CARM1: variants seen among roughly 807,000 people sequenced by gnomAD.
CARM1 encodes coactivator associated arginine methyltransferase 1.
A neutral mutation model predicts 72.7 loss-of-function variants in CARM1; 14 were observed. The ratio of observed to expected loss-of-function variants is 0.19; its 90% CI spans 0.13 to 0.30. The LOEUF is 0.30. Among genes scored for constraint, CARM1 ranks in the 10% least tolerant of loss-of-function variants. CARM1 has a pLI of 1.00. For synonymous variants in CARM1, 333 were observed against 345.5 expected (o/e 0.96, Z 0.40); for missense variants, 432 against 833.7 (o/e 0.52, Z 5.93).
At chr19:10,878,895 C>T (rs1451459353) in intron 1 of CARM1, among the ~76,000 whole-genome samples, 3 of 151,856 alleles carry the variant, frequency 2.0e-5, no homozygotes, top group Non-Finnish European at 2.9e-5. Context: ...CATCCTCTGC[C>T]TCCCGGGTTC....
chr19:10,895,061 A>G (rs202223751), intron 1 of CARM1, among the ~76,000 whole-genome samples: 18 of 151,444 alleles, frequency 1.2e-4, no homozygotes, highest in Middle Eastern at 3.4e-3. Context: ...CTTATTCTCT[A>G]TCTGCCAAAG....
At chr19:10,898,599 G>A (rs974234027) in intron 1 of CARM1, among the ~76,000 whole-genome samples, 16 of 152,378 alleles carry the variant, frequency 1.1e-4, no homozygotes, top group African/African-American at 3.6e-4. Context: ...GGCCGCTTTG[G>A]GAGGTGGTTG....
At chr19:10,903,948 C>G (rs2145220024) in intron 1 of CARM1, among the ~76,000 whole-genome samples, 1 of 152,316 alleles carries the variant, frequency 6.6e-6, no homozygotes, top group East Asian at 1.9e-4. Context: ...AAGTGATCCT[C>G]CTGCCTTGGC....
At chr19:10,875,817 G>T (rs1462378790) in intron 1 of CARM1, among the ~76,000 whole-genome samples, 1 of 151,570 alleles carries the variant, frequency 6.6e-6, no homozygotes, top group South Asian at 2.1e-4. Context: ...TATCTGCAAA[G>T]ACCCTATTTC....
intron 1 of CARM1, among the ~76,000 whole-genome samples, chr19:10,890,502 G>A (rs1169515463): frequency 4.6e-5 from 7 of 150,882 alleles, no homozygotes; most frequent in East Asian, 3.9e-4. Flanking sequence ...TCCTGACCTC[G>A]GGTGATCCAC....
intron 8 of CARM1, chr19:10,919,215 C>A: frequency 5.4e-6 from 1 of 185,780 alleles, no homozygotes; most frequent in Non-Finnish European, 1.1e-5. Flanking sequence ...CATAAAGAGC[C>A]TCTTCATTCT....
At chr19:10,905,331 C>T (rs1301164011) in intron 2 of CARM1, among the ~76,000 whole-genome samples, 1 of 152,262 alleles carries the variant, frequency 6.6e-6, no homozygotes, top group Non-Finnish European at 1.5e-5. Context: ...CTCCAAGAGG[C>T]CCATCCTGAC....
intron 1 of CARM1, among the ~76,000 whole-genome samples, chr19:10,876,574 A>C (rs558119749): frequency 1.2e-4 from 19 of 152,368 alleles, no homozygotes; most frequent in African/African-American, 4.3e-4. Context: ...CAGCTGCAGA[A>C]GGGCCTGTCT....
chr19:10,911,128 C>T (rs2074147094), intron 4 of CARM1, among the ~76,000 whole-genome samples: 1 of 151,454 alleles, frequency 6.6e-6, no homozygotes, highest in African/African-American at 2.4e-5. Flanking sequence ...TGGCCTCAAG[C>T]AGTTCATCCG....
chr19:10,875,418 G>GTTCTT (rs916115526), intron 1 of CARM1, among the ~76,000 whole-genome samples: 34 of 151,260 alleles, frequency 2.2e-4, no homozygotes, highest in Non-Finnish European at 3.7e-4. Flanking sequence ...CACCTCAGCT[G>GTTCTT]TTCTTTTCTT....
chr19:10,876,509 G>A (rs189356413), intron 1 of CARM1, among the ~76,000 whole-genome samples: 1 of 152,314 alleles, frequency 6.6e-6, no homozygotes, highest in East Asian at 1.9e-4. Context: ...AGAGGCACGT[G>A]GGGAGGACTT....
chr19:10,899,033 GTTTTTTTT>G (rs34563725), intron 1 of CARM1, among the ~76,000 whole-genome samples: 1 of 117,458 alleles, frequency 8.5e-6, no homozygotes, highest in Non-Finnish European at 1.8e-5. Context: ...GGCTTAGCTT[GTTTTTTTT>G]TTTTTTTTTT....
chr19:10,912,373 G>T lies in CARM1; in HGVS notation c.669+79G>T. The T allele has an allele frequency of 3.8e-6, 4 of 1,043,930 alleles. No homozygotes were observed. Among genetic ancestry groups the T allele is most frequent in the Non-Finnish European group, 4.5e-6 (3 of 669,244 alleles). The allele number at this position is 1,043,930 out of a possible 1,614,324, so 64.7% of individuals were successfully genotyped here. ...CCGGCCCCAGCCTAGAGAAGCTTGG[G>T]AACCCCCAGGGGCCTGGGGACATTA... On this transcript the variant is annotated intron_variant, in intron 5 of 15. Coordinates refer to ENST00000327064, the MANE Select transcript of CARM1 (RefSeq NM_199141.2). This position sits in a 1 kb window ranked among gnomAD's most constrained non-coding sequence, Gnocchi z 4.5.
chr19:10,886,056 CT>C (rs899009522), intron 1 of CARM1, among the ~76,000 whole-genome samples: 207 of 136,488 alleles, frequency 1.5e-3, no homozygotes, highest in Middle Eastern at 0.011. Context: ...TTCTTTCTTT[CT>C]TTTTTTTTTT....
intron 1 of CARM1, among the ~76,000 whole-genome samples, chr19:10,895,783 C>T (rs1262346620): frequency 1.3e-5 from 2 of 152,158 alleles, no homozygotes; most frequent in East Asian, 1.9e-4. Flanking sequence ...GCCCAGAGCC[C>T]TGGATCTGCG....
intron 4 of CARM1, among the ~76,000 whole-genome samples, chr19:10,910,805 C>T (rs911375371): frequency 1.3e-5 from 2 of 151,868 alleles, no homozygotes; most frequent in Admixed American, 6.6e-5. Flanking sequence ...ACCTCATGAT[C>T]CACCCACCTC....
At chr19:10,894,325 C>A (rs1431067174) in intron 1 of CARM1, among the ~76,000 whole-genome samples, 2 of 152,198 alleles carry the variant, frequency 1.3e-5, no homozygotes, top group Non-Finnish European at 2.9e-5. Context: ...CCGGGCAGAG[C>A]AGGCTGAGCA....
At chr19:10,889,394 A>C (rs1465000267) in intron 1 of CARM1, among the ~76,000 whole-genome samples, 2 of 150,028 alleles carry the variant, frequency 1.3e-5, no homozygotes, top group Non-Finnish European at 3.0e-5. Context: ...GGCTCACTGC[A>C]ACCTCCGCCT....
At chr19:10,903,858 A>G (rs2074083923) in intron 1 of CARM1, among the ~76,000 whole-genome samples, 2 of 152,108 alleles carry the variant, frequency 1.3e-5, no homozygotes, top group South Asian at 2.1e-4. Flanking sequence ...GCATGCCACC[A>G]TGCCTGCCTA....
Sources: gnomAD v4.1 joint callset for allele counts (sites outside exome capture counted in the v4.1 genomes callset) on GRCh38, gnomAD v4.1.1 for gene constraint, Gnocchi (gnomAD v3.1) non-coding constraint, MANE v1.5 for transcripts, NCBI Gene and HGNC (gene_info 2026-07-23, HGNC 2026-07-21) for gene names.